The following RANBP17 variants were observed in gnomAD, a reference collection of about 807,000 sequenced individuals.
RANBP17 encodes the protein ran-binding protein 17.
Under a neutral mutation model 141.2 loss-of-function variants are expected in RANBP17, and 158 were observed. The ratio of observed to expected loss-of-function variants is 1.12; its 90% CI spans 0.98 to 1.28. The LOEUF is 1.28. Ranked by LOEUF, RANBP17 falls within the 50% of genes most tolerant of loss-of-function variation. RANBP17 has a pLI of 0.00. For missense variants in RANBP17, 1,438 were observed against 1,290.7 expected (o/e 1.11, Z -1.75); for synonymous variants, 430 against 450.0 (o/e 0.96, Z 0.56).
intron 5 of RANBP17, among the ~76,000 whole-genome samples, chr5:170,908,658 A>G (rs565367206): frequency 1.3e-4 from 18 of 139,860 alleles, no homozygotes; most frequent in Middle Eastern, 3.8e-3. Flanking sequence ...GAAAGTTGGG[A>G]AAAAAAAAAA....
intron 24 of RANBP17, among the ~76,000 whole-genome samples, chr5:171,243,691 A>G (rs936113283): frequency 6.6e-6 from 1 of 152,190 alleles, no homozygotes; most frequent in African/African-American, 2.4e-5. Context: ...CATTATTAAC[A>G]TCTTTTTCAT....
intron 14 of RANBP17, among the ~76,000 whole-genome samples, chr5:171,123,196 T>C (rs1581683927): frequency 6.6e-6 from 1 of 152,266 alleles, no homozygotes; most frequent in South Asian, 2.1e-4. Context: ...CCACCAGAGC[T>C]AGCACCCATG....
At chr5:171,295,522 A>G (rs1768763317) in intron 26 of RANBP17, among the ~76,000 whole-genome samples, 1 of 152,168 alleles carries the variant, frequency 6.6e-6, no homozygotes, top group Non-Finnish European at 1.5e-5. Flanking sequence ...GGGCATTTTT[A>G]GTTATTTTCT....
chr5:171,256,899 A>G (rs776282230), intron 24 of RANBP17, among the ~76,000 whole-genome samples: 4 of 152,142 alleles, frequency 2.6e-5, no homozygotes, highest in Non-Finnish European at 4.4e-5. Context: ...AACTAGTGAG[A>G]TCAAATCAGT....
chr5:170,877,636 T>C (rs192406214), intron 1 of RANBP17, among the ~76,000 whole-genome samples: 25 of 152,250 alleles, frequency 1.6e-4, no homozygotes, highest in Non-Finnish European at 3.1e-4. Context: ...CCCCCATCCA[T>C]CTCCCTAACC....
rs34555837 is a variant in RANBP17, at chr5:171,071,653, C to CAAAA, written c.1711-98459_1711-98456dup. Among the ~76,000 whole-genome samples, 264 of 69,178 alleles carry CAAAA rather than the reference C, an allele frequency of 3.8e-3. 8 individuals are homozygous for CAAAA. Among genetic ancestry groups the CAAAA allele is most frequent in the East Asian group, 0.024 (46 of 1,924 alleles). The allele number at this position is 69,178 out of a possible 152,430, so 45.4% of individuals were successfully genotyped here. ...TACTGGAACAATGAACAGCTTTATGCAAAAAAAAAAAAAAAAAAAAAGACC... is the reference window on the plus strand; with the variant it reads ...TACTGGAACAATGAACAGCTTTATGCAAAAAAAAAAAAAAAAAAAAAAAAAGACC... On this transcript the variant is annotated intron_variant, in intron 14 of 27. Coordinates refer to ENST00000523189, the MANE Select transcript of RANBP17 (RefSeq NM_022897.5).
At chr5:171,211,664 G>C (rs376501330) in intron 20 of RANBP17, among the ~76,000 whole-genome samples, 78 of 147,168 alleles carry the variant, frequency 5.3e-4, no homozygotes, top group African/African-American at 1.9e-3. Flanking sequence ...GGTGTCTCTG[G>C]AAAGTGTCAA....
Position 171,199,663 on chromosome 5 carries a change from C to CT in RANBP17, c.2039-6dup, listed in dbSNP as rs773566646. On this transcript the variant is annotated splice_polypyrimidine_tract_variant and splice_region_variant and intron_variant, in intron 18 of 27. Transcript: ENST00000523189. Reference sequence around the variant, plus strand: ...AAACCGTAGTGACCCTTTTGTTTCTCTGATAGGTGAAGATGAGGATGAATT... The same window carrying CT: ...AAACCGTAGTGACCCTTTTGTTTCTCTTGATAGGTGAAGATGAGGATGAATT... 1 of 1,582,698 alleles carries CT rather than the reference C, an allele frequency of 6.3e-7. No homozygotes were observed. The highest frequency in any genetic ancestry group is 8.7e-7 in the Non-Finnish European group (1 of 1,153,858).
chr5:170,955,470 A>ATATC (rs1775553302), intron 13 of RANBP17, among the ~76,000 whole-genome samples: 1 of 24,272 alleles, frequency 4.1e-5, no homozygotes, highest in South Asian at 0.014. Context: ...ATATATCTAT[A>ATATC]TATATATATA....
chr5:170,948,960 C>G (rs1247957176), intron 12 of RANBP17, among the ~76,000 whole-genome samples: 1 of 151,944 alleles, frequency 6.6e-6, no homozygotes, highest in Admixed American at 6.6e-5. Flanking sequence ...CAGGAACAGC[C>G]TGGTCAACCT....
intron 23 of RANBP17, 118 bp downstream of exon 23, chr5:171,241,260 C>T: frequency 1.4e-6 from 1 of 718,434 alleles, no homozygotes; most frequent in Non-Finnish European, 2.2e-6. Context: ...TGTTTTAAGA[C>T]AGCATACTTG....
At chr5:171,134,117 C>T (rs963528246) in intron 14 of RANBP17, among the ~76,000 whole-genome samples, 2 of 152,062 alleles carry the variant, frequency 1.3e-5, no homozygotes, top group African/African-American at 4.8e-5. Flanking sequence ...AATGGTTATT[C>T]ATATATTCTT....
At chr5:171,266,133 G>A (rs1206829744) in intron 25 of RANBP17, among the ~76,000 whole-genome samples, 3 of 152,022 alleles carry the variant, frequency 2.0e-5, no homozygotes, top group African/African-American at 4.8e-5. Flanking sequence ...GACAAAACCG[G>A]AACTGGAAAC....
intron 12 of RANBP17, among the ~76,000 whole-genome samples, chr5:170,947,541 T>G (rs1349856401): frequency 1.3e-5 from 2 of 152,180 alleles, no homozygotes; most frequent in Non-Finnish European, 2.9e-5. Context: ...ACTTAATGGC[T>G]TATCAGGTAA....
chr5:171,071,264 T>A (rs913014831), intron 14 of RANBP17, among the ~76,000 whole-genome samples: 1 of 152,116 alleles, frequency 6.6e-6, no homozygotes, highest in African/African-American at 2.4e-5. Context: ...CTCAATATTG[T>A]TAAGATGTCA....
At chr5:171,245,931 T>C (rs1401090114) in intron 24 of RANBP17, among the ~76,000 whole-genome samples, 3 of 148,612 alleles carry the variant, frequency 2.0e-5, no homozygotes, top group African/African-American at 7.5e-5. Context: ...CAGGCTGGAG[T>C]GCAGTGGCAT....
chr5:171,068,358 A>T (rs926625893), intron 14 of RANBP17, among the ~76,000 whole-genome samples: 3 of 152,070 alleles, frequency 2.0e-5, no homozygotes, highest in Non-Finnish European at 4.4e-5. Context: ...CTCTTTGAAC[A>T]TATTTAAAGT....
intron 14 of RANBP17, among the ~76,000 whole-genome samples, chr5:171,076,252 TGATAA>T (rs951750162): frequency 2.6e-5 from 4 of 152,230 alleles, no homozygotes; most frequent in African/African-American, 7.2e-5. Flanking sequence ...TTGTGTTTTG[TGATAA>T]GATAATAAGT....
At chr5:171,266,640 C>G (rs1766704896) in intron 25 of RANBP17, among the ~76,000 whole-genome samples, 1 of 152,060 alleles carries the variant, frequency 6.6e-6, no homozygotes. Context: ...TTAGGCCAGG[C>G]ACGGTGGTCA....
Sources: allele counts gnomAD v4.1 joint callset (sites outside exome capture counted in the v4.1 genomes callset), GRCh38; gene constraint gnomAD v4.1.1; transcripts MANE v1.5; gene names NCBI Gene and HGNC (gene_info 2026-07-23, HGNC 2026-07-21).